ST7L: variants seen among roughly 807,000 people sequenced by gnomAD.
The protein encoded by ST7L is suppressor of tumorigenicity 7 protein-like.
In ST7L, 57 loss-of-function variants were observed where a neutral mutation model predicts 72.5. That is an observed-to-expected ratio of 0.79 (90% CI 0.64 to 0.98). ST7L has a LOEUF of 0.98. ST7L is among the 50% of genes least tolerant of loss of function. The probability of loss-of-function intolerance (pLI) is 0.00; values close to 1 mark genes in which losing one functional copy is unlikely to be tolerated. For synonymous variants in ST7L, 221 were observed against 240.9 expected (o/e 0.92, Z 0.77); for missense variants, 576 against 672.2 (o/e 0.86, Z 1.58).
At position 112,600,842 on chromosome 1, in the gene ST7L, T is replaced by C. The variant is rs757121129; in HGVS notation, c.458A>G (p.Lys153Arg). The C allele has an allele frequency of 6.8e-6, 11 of 1,608,128 alleles. No individual in the cohort carries two copies. Among genetic ancestry groups the C allele is most frequent in the Non-Finnish European group, 9.3e-6 (11 of 1,176,876 alleles). ...ETSRQNLSEC[K>R]VWRNPLNLFR... is the part of the protein sequence containing the mutation. ...AAGATTTAGAGGGTTTCTCCATACC[T>C]TACATTCTGAAAAACAAGGGAGAAA... The change falls in exon 4 of 15, where the codon AAG becomes AGG. Residue 153 changes from lysine (K) to arginine (R), a missense_variant. Physicochemically the swap from Lys to Arg is conservative, Grantham distance 26. Transcript: ENST00000358039.
Position 112,550,677 on chromosome 1 carries a change from T to A in ST7L, c.1413A>T (p.Pro471=). 6.2e-7 allele frequency: 1 copy of A among 1,613,100 alleles called. No homozygotes were observed. Among genetic ancestry groups the A allele is most frequent in the Non-Finnish European group, 8.5e-7 (1 of 1,179,420 alleles). The change falls in exon 13 of 15, where the codon CCA becomes CCT. Residue 471 remains proline, a synonymous_variant. Transcript: ENST00000358039. ...CTWEGTFRMI[P]YPLEKGHLFY... ...ATAGATGTCCTTTCTCTAACGGGTA[T>A]GGAATCATTCTAAAAGCTGAGGAAA...
At chr1:112,595,761 T>C (rs1666394399) in intron 5 of ST7L, among the ~76,000 whole-genome samples, 1 of 152,196 alleles carries the variant, frequency 6.6e-6, no homozygotes, top group South Asian at 2.1e-4. Context: ...TATTAAATCA[T>C]TTGATTTCAT....
intron 6 of ST7L, among the ~76,000 whole-genome samples, chr1:112,587,936 A>G (rs1315494886): frequency 2.0e-5 from 3 of 152,210 alleles, no homozygotes; most frequent in South Asian, 2.1e-4. Flanking sequence ...ATGTCTCCCA[A>G]TCCATGAACA....
intron 5 of ST7L, among the ~76,000 whole-genome samples, chr1:112,596,461 G>C (rs1011361376): frequency 6.6e-6 from 1 of 152,184 alleles, no homozygotes. Flanking sequence ...CCTTTGCTTC[G>C]GTTTCTTTAT....
intron 14 of ST7L, 56 bp downstream of exon 14, chr1:112,541,895 A>G (rs1195703544): frequency 5.6e-6 from 9 of 1,596,036 alleles, no homozygotes; most frequent in African/African-American, 1.4e-5. Context: ...CAGATCAGAG[A>G]TGGTTTCTTG....
At chr1:112,598,126 G>A in intron 4 of ST7L, 40 bp from the exon 5 acceptor site, 2 of 1,454,032 alleles carry the variant, frequency 1.4e-6, no homozygotes, top group Non-Finnish European at 1.9e-6. Flanking sequence ...TTGAACATGA[G>A]AGAGCATCTA....
In ST7L at chr1:112,567,727, TTGG is replaced by T. The variant is rs1661274132; in HGVS notation, c.1245+9256_1245+9258del. On this transcript the variant is annotated intron_variant, in intron 11 of 14. Coordinates refer to ENST00000358039, the MANE Select transcript of ST7L (RefSeq NM_017744.5). ...AGTTCCATTTCCCCATTGAATTGCA[TTGG>T]TGCTTTTGTCAAAAATCAATTGACA... Among the ~76,000 whole-genome samples, 5 of 152,324 alleles carry T rather than the reference TTGG, an allele frequency of 3.3e-5. No homozygotes were observed. The South Asian group carries it at 1.0e-3, about 32-fold the overall frequency.
chr1:112,520,461 C>T, downstream of ST7L: 1 of 1,614,168 alleles, frequency 6.2e-7, no homozygotes, highest in Non-Finnish European at 8.5e-7. Context: ...CTGTGGACGT[C>T]CATACTTGCA....
intron 3 of ST7L, chr1:112,607,297 GAAAGA>G (rs1558053726): frequency 1.3e-5 from 2 of 152,074 alleles, no homozygotes; most frequent in Non-Finnish European, 2.9e-5. Flanking sequence ...TATGAATGTT[GAAAGA>G]AAAGAAGACA....
At chr1:112,592,113 G>T (rs184822962) in intron 5 of ST7L, among the ~76,000 whole-genome samples, 26 of 151,662 alleles carry the variant, frequency 1.7e-4, no homozygotes, top group African/African-American at 6.0e-4. Flanking sequence ...AATTAATTTA[G>T]AATATAGTAC....
chr1:112,520,821 T>C (rs948092493), downstream of ST7L: 4 of 344,658 alleles, frequency 1.2e-5, no homozygotes, highest in South Asian at 6.4e-5. Context: ...AGGCTCCTTT[T>C]TTCTTTCCTT....
chr1:112,580,890 T>C (rs576204654), intron 9 of ST7L, among the ~76,000 whole-genome samples: 56 of 152,290 alleles, frequency 3.7e-4, no homozygotes, highest in African/African-American at 1.3e-3. Context: ...ATTGCACCAC[T>C]GCACTCCCGC....
At chr1:112,604,260 AATGGTGCCACTAT>A (rs1322519403) in intron 3 of ST7L, among the ~76,000 whole-genome samples, 1 of 152,102 alleles carries the variant, frequency 6.6e-6, no homozygotes, top group Non-Finnish European at 1.5e-5. Context: ...AGTGAGCCGA[AATGGTGCCACTAT>A]ACTTTAGCCT....
intron 14 of ST7L, chr1:112,527,959 G>A (rs1218654870): frequency 6.6e-6 from 1 of 152,194 alleles, no homozygotes; most frequent in African/African-American, 2.4e-5. Flanking sequence ...TGTGTAATAA[G>A]TAGACACAAG....
chr1:112,581,981 A>G lies in ST7L; in HGVS notation c.1069+11T>C. The stretch of plus-strand genomic sequence containing the variant: ...AATAACCATGCTATCAACTAAGGGA[A>G]TATGACTCACCATCATATTTTGCTA... On this transcript the variant is annotated intron_variant, in intron 9 of 14. Coordinates refer to ENST00000358039, the MANE Select transcript of ST7L (RefSeq NM_017744.5). 1 of 1,503,356 alleles carries G rather than the reference A, an allele frequency of 6.7e-7. No individual in the cohort carries two copies. The highest frequency in any genetic ancestry group is 9.3e-7 in the Non-Finnish European group (1 of 1,079,664). 93.1% of individuals were successfully genotyped at this position (1,503,356 alleles called of 1,614,324 possible).
chr1:112,619,659 C>T (rs948169460), upstream of ST7L: 2 of 594,338 alleles, frequency 3.4e-6, no homozygotes, highest in Non-Finnish European at 6.0e-6. Context: ...GCAAACCCTA[C>T]TTCCTGGGGC....
At chr1:112,572,812 T>C (rs1397747381) in intron 11 of ST7L, among the ~76,000 whole-genome samples, 1 of 152,108 alleles carries the variant, frequency 6.6e-6, no homozygotes, top group Non-Finnish European at 1.5e-5. Flanking sequence ...TTTAACTGGG[T>C]ATATCAGAAG....
Position 112,600,922 on chromosome 1 carries a change from C to T in ST7L, c.452-74G>A, listed in dbSNP as rs371990823. 884 of 1,340,708 alleles carry T rather than the reference C, an allele frequency of 6.6e-4. 6 individuals carry two copies. The African/African-American group carries it at 0.011, about 16-fold the overall frequency. The allele number at this position is 1,340,708 out of a possible 1,614,324, so 83.1% of individuals were successfully genotyped here. ...TCATTTAACCAATATCTATTGTCTA[C>T]CCACTGTAGGCTAATCACAGTGCTA... On this transcript the variant is annotated intron_variant, in intron 3 of 14. Coordinates refer to ENST00000358039, the MANE Select transcript of ST7L (RefSeq NM_017744.5).
chr1:112,557,942 TAAC>T (rs1659470028), intron 11 of ST7L, among the ~76,000 whole-genome samples: 1 of 152,250 alleles, frequency 6.6e-6, no homozygotes, highest in African/African-American at 2.4e-5. Flanking sequence ...TTATCATTTA[TAAC>T]AAAAGCAGTG....
Sources: allele counts gnomAD v4.1 joint callset (sites outside exome capture counted in the v4.1 genomes callset), GRCh38; gene constraint gnomAD v4.1.1; transcripts MANE v1.5; gene names NCBI Gene and HGNC (gene_info 2026-07-23, HGNC 2026-07-21).